Variants in TNNI3K observed in about 807,000 individuals in gnomAD.
The protein encoded by TNNI3K is TNNI3 interacting kinase.
In TNNI3K, 140 loss-of-function variants were observed where a neutral mutation model predicts 114.5. That is an observed-to-expected ratio of 1.22 (90% confidence interval 1.07 to 1.41). TNNI3K has a LOEUF of 1.41. TNNI3K is among the 40% of genes most tolerant of loss of function. TNNI3K has a pLI of 0.00. For missense variants in TNNI3K, 1,125 were observed against 1,007.6 expected (o/e 1.12, Z -1.58); for synonymous variants, 347 against 347.5 (o/e 1.00, Z 0.02).
intron 4 of TNNI3K, among the ~76,000 whole-genome samples, chr1:74,252,701 A>G (rs948117216): frequency 6.6e-6 from 1 of 151,584 alleles, no homozygotes; most frequent in Admixed American, 6.6e-5. Flanking sequence ...TACAGCTCTT[A>G]AGGCGGCACG....
At chr1:74,413,150 A>G (rs190094059) in intron 17 of TNNI3K, among the ~76,000 whole-genome samples, 4 of 152,282 alleles carry the variant, frequency 2.6e-5, no homozygotes, top group Admixed American at 6.5e-5. Context: ...CATTTATTTA[A>G]ACATTTATGA....
rs1272842318 is a variant in TNNI3K at position 74,363,327 on chromosome 1, G to C, written c.1178-3929G>C. Among the ~76,000 whole-genome samples the C allele has an allele frequency of 2.6e-5, 4 of 152,018 alleles. No homozygotes were observed. In the East Asian group the frequency reaches 5.8e-4, roughly 22 times the overall value. ...GTGCCTTAGCCCACAGTTAGCATGA[G>C]GGGGGAAATCAGGCAGAGATGCCTT... is the stretch of plus-strand genomic sequence containing the variant. On this transcript the variant is annotated intron_variant, in intron 11 of 24. Coordinates refer to ENST00000326637, the MANE Select transcript of TNNI3K (RefSeq NM_015978.3).
chr1:74,350,854 G>A (rs1322141023), intron 9 of TNNI3K, among the ~76,000 whole-genome samples: 2 of 151,968 alleles, frequency 1.3e-5, no homozygotes, highest in South Asian at 2.1e-4. Context: ...TTGAGCCTAT[G>A]TGTGTCTCTG....
intron 6 of TNNI3K, among the ~76,000 whole-genome samples, chr1:74,333,411 C>T (rs1660312952): frequency 6.6e-6 from 1 of 152,210 alleles, no homozygotes; most frequent in African/African-American, 2.4e-5. Flanking sequence ...CAGGCACAGA[C>T]AGGATATATA....
At chr1:74,537,748 T>C (rs1646677458) in intron 23 of TNNI3K, among the ~76,000 whole-genome samples, 1 of 152,100 alleles carries the variant, frequency 6.6e-6, no homozygotes, top group South Asian at 2.1e-4. Flanking sequence ...GGTACTGTGA[T>C]AGAATTATCA....
At chr1:74,310,694 C>A (rs1365530309) in intron 5 of TNNI3K, among the ~76,000 whole-genome samples, 1 of 152,066 alleles carries the variant, frequency 6.6e-6, no homozygotes, top group Admixed American at 6.5e-5. Flanking sequence ...AAGCTTTTTT[C>A]TTTAAATGCA....
At chr1:74,375,316 G>A (rs1662850941) in intron 17 of TNNI3K, 1 of 192,304 alleles carries the variant, frequency 5.2e-6, no homozygotes, top group Non-Finnish European at 1.1e-5. Context: ...GTTCATTCAT[G>A]GACATAGGCC....
chr1:74,357,386 T>C (rs1286864259), intron 11 of TNNI3K, among the ~76,000 whole-genome samples: 2 of 152,270 alleles, frequency 1.3e-5, no homozygotes, highest in East Asian at 3.9e-4. Context: ...CAGAAAACCA[T>C]GCAGTCTTTC....
chr1:74,498,191 C>A (rs1669431962), intron 23 of TNNI3K, among the ~76,000 whole-genome samples: 1 of 152,170 alleles, frequency 6.6e-6, no homozygotes, highest in African/African-American at 2.4e-5. Flanking sequence ...CCCATAAACA[C>A]CCCATGTTTA....
intron 21 of TNNI3K, among the ~76,000 whole-genome samples, chr1:74,485,275 C>T (rs140559009): frequency 1.3e-4 from 20 of 152,290 alleles, no homozygotes; most frequent in African/African-American, 4.3e-4. Flanking sequence ...AGAGAATAAG[C>T]ATTAGGTAAT....
rs75181773 is a variant in TNNI3K, at chr1:74,296,840, T to G, written c.444+25132T>G. On this transcript the variant is annotated intron_variant, in intron 5 of 24. Coordinates refer to ENST00000326637, the MANE Select transcript of TNNI3K (RefSeq NM_015978.3). ...ATAGTATTGTGTCTTTTAAAAAATC[T>G]TGCTATTTTAAATTTTTTTCCGTTG... Among the ~76,000 whole-genome samples the G allele has an allele frequency of 6.4e-3, 968 of 152,312 alleles. 11 individuals are homozygous for G. Among genetic ancestry groups the G allele is most frequent in the African/African-American group, 0.022 (924 of 41,564 alleles).
intron 7 of TNNI3K, among the ~76,000 whole-genome samples, chr1:74,337,394 C>T (rs1660529618): frequency 6.6e-6 from 1 of 151,592 alleles, no homozygotes; most frequent in Admixed American, 6.6e-5. Context: ...GTTGCCATTG[C>T]TTTTGGTGTT....
At chr1:74,501,835 C>G (rs1238657573) in intron 23 of TNNI3K, among the ~76,000 whole-genome samples, 1 of 152,060 alleles carries the variant, frequency 6.6e-6, no homozygotes, top group African/African-American at 2.4e-5. Context: ...CTGCTTTAAA[C>G]TAGCTTGTAT....
intron 17 of TNNI3K, among the ~76,000 whole-genome samples, chr1:74,408,448 C>A (rs1205859423): frequency 6.6e-6 from 1 of 152,224 alleles, no homozygotes; most frequent in African/African-American, 2.4e-5. Flanking sequence ...TCCAAAATAA[C>A]TTCCACATTG....
chr1:74,348,856 G>A (rs1661169941), intron 9 of TNNI3K, among the ~76,000 whole-genome samples: 1 of 152,166 alleles, frequency 6.6e-6, no homozygotes, highest in Admixed American at 6.5e-5. Flanking sequence ...TGTATCCTGA[G>A]ACTTTGCTGA....
At chr1:74,352,456 CAAGCTGCATGCTGGG>C (rs772682738) in intron 9 of TNNI3K, among the ~76,000 whole-genome samples, 1 of 152,200 alleles carries the variant, frequency 6.6e-6, no homozygotes, top group Non-Finnish European at 1.5e-5. Flanking sequence ...TCTCAGATCT[CAAGCTGCATGCTGGG>C]AGAACCACTA....
chr1:74,299,611 GTAT>G (rs1381493067), intron 5 of TNNI3K, among the ~76,000 whole-genome samples: 2 of 152,050 alleles, frequency 1.3e-5, no homozygotes, highest in African/African-American at 4.8e-5. Context: ...AAGATAGGTG[GTAT>G]TATTATCTTC....
At chr1:74,357,525 G>T (rs180686300) in intron 11 of TNNI3K, among the ~76,000 whole-genome samples, 99 of 152,222 alleles carry the variant, frequency 6.5e-4, no homozygotes, top group African/African-American at 2.3e-3. Flanking sequence ...AGTTCTGGAA[G>T]AGTTATATAT....
chr1:74,321,528 C>G (rs1342217918), intron 5 of TNNI3K, among the ~76,000 whole-genome samples: 1 of 151,976 alleles, frequency 6.6e-6, no homozygotes, highest in Non-Finnish European at 1.5e-5. Flanking sequence ...TCTCCTCCCT[C>G]TCTCTATCCA....
Sources: gnomAD v4.1 joint callset for allele counts (sites outside exome capture counted in the v4.1 genomes callset) on GRCh38, gnomAD v4.1.1 for gene constraint, MANE v1.5 for transcripts, NCBI Gene and HGNC (gene_info 2026-07-23, HGNC 2026-07-21) for gene names.